Variants in GLI2 observed in about 807,000 individuals in gnomAD.
GLI2 encodes the protein transcription activator GLI2.
In GLI2, 22 loss-of-function variants were observed where a neutral mutation model predicts 78.9. The ratio of observed to expected loss-of-function variants is 0.28; its 90% CI spans 0.20 to 0.40. The LOEUF is 0.40. Among genes scored for constraint, GLI2 ranks in the 10% least tolerant of loss-of-function variants. GLI2 has a pLI of 1.00. For synonymous variants in GLI2, 974 were observed against 963.7 expected (o/e 1.01, Z -0.20); for missense variants, 2,097 against 2,213.2 (o/e 0.95, Z 1.05).
intron 2 of GLI2, among the ~76,000 whole-genome samples, chr2:120,925,118 C>T (rs1397805578): frequency 6.6e-6 from 1 of 152,226 alleles, no homozygotes; most frequent in African/African-American, 2.4e-5. Context: ...CCCGGCTCAC[C>T]TGTGCAGGGC....
chr2:120,900,427 A>G (rs1367329208), intron 2 of GLI2, among the ~76,000 whole-genome samples: 1 of 152,164 alleles, frequency 6.6e-6, no homozygotes, highest in African/African-American at 2.4e-5. Context: ...CAAGGACCAA[A>G]ACAGGCAGTT....
intron 2 of GLI2, among the ~76,000 whole-genome samples, chr2:120,823,680 G>A (rs1430213149): frequency 1.3e-5 from 2 of 152,222 alleles, no homozygotes; most frequent in South Asian, 2.1e-4. Flanking sequence ...CTTATGGGAA[G>A]ATCTCCCGGC....
chr2:120,893,996 C>G (rs1389699783), intron 2 of GLI2, among the ~76,000 whole-genome samples: 1 of 152,226 alleles, frequency 6.6e-6, no homozygotes, highest in Non-Finnish European at 1.5e-5. Flanking sequence ...TCCCAAACGT[C>G]CCCTGCAGAA....
intron 1 of GLI2, among the ~76,000 whole-genome samples, chr2:120,788,535 C>T (rs1684059378): frequency 6.6e-6 from 1 of 152,248 alleles, no homozygotes; most frequent in South Asian, 2.1e-4. Flanking sequence ...AAAAAGTCCT[C>T]CTGATACTCA....
Position 120,988,507 on chromosome 2 carries a change from C to T in GLI2, c.2542C>T (p.Arg848Cys). The T allele has an allele frequency of 6.5e-7, 1 of 1,527,050 alleles. No individual in the cohort carries two copies. Among genetic ancestry groups the T allele is most frequent in the Non-Finnish European group, 8.7e-7 (1 of 1,145,858 alleles). 94.6% of individuals were successfully genotyped at this position (1,527,050 alleles called of 1,614,324 possible). Residue 848 changes from arginine to cysteine, a missense_variant, in exon 14 of 14, where the codon CGC becomes TGC. Coordinates refer to ENST00000361492, the MANE Select transcript of GLI2 (RefSeq NM_001374353.1). ...YDPISTDASRRSSEASQCSGG... is the reference protein window; with the variant it reads ...YDPISTDASRCSSEASQCSGG... The stretch of plus-strand genomic sequence containing the variant: ...CCCCATCTCCACGGACGCGTCGCGG[C>T]GCTCGAGCGAGGCCAGCCAGTGCAG...
At chr2:120,911,239 G>A (rs1678801154) in intron 2 of GLI2, among the ~76,000 whole-genome samples, 1 of 152,230 alleles carries the variant, frequency 6.6e-6, no homozygotes, top group Admixed American at 6.5e-5. Flanking sequence ...CCATTTGACT[G>A]AACCAGGGCA....
intron 2 of GLI2, among the ~76,000 whole-genome samples, chr2:120,889,000 C>G (rs1314065687): frequency 6.6e-6 from 1 of 152,074 alleles, no homozygotes; most frequent in African/African-American, 2.4e-5. Context: ...GTGAAGGAGG[C>G]CCAGGCTAGA....
chr2:120,786,711 C>T (rs1461427560), intron 1 of GLI2, among the ~76,000 whole-genome samples: 1 of 151,864 alleles, frequency 6.6e-6, no homozygotes, highest in African/African-American at 2.4e-5. Context: ...TGCTGGCAAA[C>T]ACTGCCCATG....
rs184395544 is a variant in GLI2, at chr2:120,912,754, G to A, written c.149-14607G>A. Among the ~76,000 whole-genome samples the A allele has an allele frequency of 3.1e-3, 468 of 152,240 alleles. 2 individuals are homozygous for A. The highest frequency in any genetic ancestry group is 0.011 in the African/African-American group (438 of 41,558). On this transcript the variant is annotated intron_variant, in intron 2 of 13. Transcript: ENST00000361492. ...GACCCTCTTATTTGTCGAAGATCTC[G>A]GGAGTCCACACACCCACTCCCGTGT... is the stretch of plus-strand genomic sequence containing the variant.
intron 5 of GLI2, among the ~76,000 whole-genome samples, chr2:120,961,668 G>A (rs368313924): frequency 5.3e-5 from 8 of 152,328 alleles, no homozygotes; most frequent in Non-Finnish European, 1.2e-4. Context: ...ATGGCTAGGT[G>A]TGGGGGGCAT....
At position 120,946,849 on chromosome 2, in the gene GLI2, T is replaced by C. The variant is rs1444518514; in HGVS notation, c.255-4394T>C. Among the ~76,000 whole-genome samples the C allele has an allele frequency of 5.3e-5, 8 of 152,236 alleles. No individual in the cohort carries two copies. In the East Asian group the frequency reaches 1.5e-3, roughly 29 times the overall value. ...TGGCAATGCTGGCGTGTTTCAGGGCTGCTGGGAAGCGCCCTCAGGCCCCAC... is the reference window on the plus strand; with the variant it reads ...TGGCAATGCTGGCGTGTTTCAGGGCCGCTGGGAAGCGCCCTCAGGCCCCAC... On this transcript the variant is annotated intron_variant, in intron 3 of 13. Coordinates refer to ENST00000361492, the MANE Select transcript of GLI2 (RefSeq NM_001374353.1).
At chr2:120,740,785 C>T (rs540897297) in intron 1 of GLI2, among the ~76,000 whole-genome samples, 27 of 152,194 alleles carry the variant, frequency 1.8e-4, no homozygotes, top group Non-Finnish European at 3.1e-4. Flanking sequence ...ATAAAGGGGA[C>T]TTTTTATTCA....
In GLI2 at chr2:120,814,016, G is replaced by A. The variant is rs139767885; in HGVS notation, c.148+16548G>A. On this transcript the variant is annotated intron_variant, in intron 2 of 13. Coordinates refer to ENST00000361492, the MANE Select transcript of GLI2 (RefSeq NM_001374353.1). ...GAGGCTAAGAGAGTCAGCTGCCCCC[G>A]AGAACAACTGGAGCTTCATCCCTGG... 7.5e-3 allele frequency among the ~76,000 whole-genome samples: 1,138 copies of A among 152,110 alleles called. 10 individuals carry two copies. Among genetic ancestry groups the A allele is most frequent in the Non-Finnish European group, 0.013 (850 of 67,998 alleles).
intron 2 of GLI2, among the ~76,000 whole-genome samples, chr2:120,924,293 G>T (rs71424364): frequency 0.01 from 1,547 of 152,304 alleles, 20 homozygotes; most frequent in Middle Eastern, 0.034. Flanking sequence ...AGGTGGGGAC[G>T]TGGTGGGTCG....
chr2:120,777,164 A>AAC (rs1226258307), intron 1 of GLI2, among the ~76,000 whole-genome samples: 5 of 152,134 alleles, frequency 3.3e-5, no homozygotes, highest in Non-Finnish European at 7.4e-5. Context: ...TGTCTTTAGG[A>AAC]ACATATGACT....
chr2:120,907,596 G>A (rs937559903), intron 2 of GLI2, among the ~76,000 whole-genome samples: 9 of 152,176 alleles, frequency 5.9e-5, no homozygotes, highest in East Asian at 1.9e-4. Flanking sequence ...CATCTTCCTC[G>A]CCAGCCAGTG....
intron 5 of GLI2, among the ~76,000 whole-genome samples, chr2:120,960,407 CCATGTGGGTCCT>C (rs1325191734): frequency 6.6e-6 from 1 of 152,204 alleles, no homozygotes; most frequent in Non-Finnish European, 1.5e-5. Flanking sequence ...GGTGGGAACT[CCATGTGGGTCCT>C]CATCCTGCAG....
Position 120,871,570 on chromosome 2 carries a change from A to G in GLI2, c.149-55791A>G, listed in dbSNP as rs534136025. 2.6e-5 allele frequency among the ~76,000 whole-genome samples: 4 copies of G among 152,256 alleles called. No individual in the cohort carries two copies. The South Asian group carries it at 8.3e-4, about 32-fold the overall frequency. ...GACCGTGGGTGCTAATCATGGGCTG[A>G]TCTGTGCTCTTATAGGTATGGCTTG... On this transcript the variant is annotated intron_variant, in intron 2 of 13. Coordinates refer to ENST00000361492, the MANE Select transcript of GLI2 (RefSeq NM_001374353.1).
At chr2:120,857,934 C>T (rs1687738727) in intron 2 of GLI2, among the ~76,000 whole-genome samples, 1 of 152,188 alleles carries the variant, frequency 6.6e-6, no homozygotes, top group Non-Finnish European at 1.5e-5. Flanking sequence ...GCGGTTGCTT[C>T]TAATTCCCTC....
Sources: allele counts gnomAD v4.1 joint callset (sites outside exome capture counted in the v4.1 genomes callset), GRCh38; gene constraint gnomAD v4.1.1; transcripts MANE v1.5; gene names NCBI Gene and HGNC (gene_info 2026-07-23, HGNC 2026-07-21).